KCNT2: variants seen among roughly 807,000 people sequenced by gnomAD.
KCNT2 encodes the protein potassium sodium-activated channel subfamily T member 2.
KCNT2 carries 67 observed loss-of-function variants against 153.8 expected under a neutral mutation model. The ratio of observed to expected loss-of-function variants is 0.44; its 90% CI spans 0.36 to 0.53. The LOEUF is 0.53. KCNT2 is among the 20% of genes least tolerant of loss of function. The pLI is 0.00. For missense variants in KCNT2, 975 were observed against 1,354.8 expected, an observed-to-expected ratio of 0.72 and a Z score of 4.40; for synonymous variants, 500 against 458.8, an observed-to-expected ratio of 1.09 and a Z score of -1.15.
intron 7 of KCNT2, among the ~76,000 whole-genome samples, chr1:196,465,966 G>C (rs188489153): frequency 6.6e-6 from 1 of 151,906 alleles, no homozygotes; most frequent in Non-Finnish European, 1.5e-5. Context: ...CATTTAACCA[G>C]AACTGTTATG....
chr1:196,410,154 C>G (rs4475693), intron 12 of KCNT2, among the ~76,000 whole-genome samples: 1 of 150,522 alleles, frequency 6.6e-6, no homozygotes, highest in Non-Finnish European at 1.5e-5. Context: ...TATTTCCTTT[C>G]GTGTGTGTGT....
At chr1:196,586,749 C>T (rs1335277345) in intron 1 of KCNT2, among the ~76,000 whole-genome samples, 2 of 151,984 alleles carry the variant, frequency 1.3e-5, no homozygotes, top group Non-Finnish European at 2.9e-5. Flanking sequence ...GTAAGTAGTA[C>T]AATTTACAAT....
chr1:196,370,882 G>A (rs1469950583), intron 14 of KCNT2, among the ~76,000 whole-genome samples: 1 of 152,024 alleles, frequency 6.6e-6, no homozygotes, highest in Non-Finnish European at 1.5e-5. Context: ...GGAATAAAGT[G>A]CTGGTGCATA....
At chr1:196,267,741 T>C (rs1657683971) in intron 25 of KCNT2, among the ~76,000 whole-genome samples, 2 of 152,154 alleles carry the variant, frequency 1.3e-5, no homozygotes, top group Non-Finnish European at 2.9e-5. Context: ...CTCAGGACTG[T>C]GCACTCAGTG....
chr1:196,471,635 G>A (rs1678116422), intron 5 of KCNT2, among the ~76,000 whole-genome samples: 2 of 152,072 alleles, frequency 1.3e-5, no homozygotes, highest in Admixed American at 1.3e-4. Flanking sequence ...GATATGAAAG[G>A]CTATTTCTGT....
At chr1:196,472,576 C>T (rs1473143915) in intron 5 of KCNT2, among the ~76,000 whole-genome samples, 1 of 152,170 alleles carries the variant, frequency 6.6e-6, no homozygotes, top group Non-Finnish European at 1.5e-5. Context: ...AGATCAACTG[C>T]TTAATCCACT....
intron 25 of KCNT2, among the ~76,000 whole-genome samples, chr1:196,263,948 ATG>A (rs537716497): frequency 2.0e-5 from 3 of 151,706 alleles, no homozygotes; most frequent in South Asian, 2.1e-4. Flanking sequence ...TTGTGTGTAT[ATG>A]TGTGTGTGTG....
At chr1:196,336,169 A>G (rs1401222131) in intron 16 of KCNT2, among the ~76,000 whole-genome samples, 1 of 152,074 alleles carries the variant, frequency 6.6e-6, no homozygotes, top group Non-Finnish European at 1.5e-5. Flanking sequence ...CACCATACAC[A>G]TAGATGATCC....
At chr1:196,511,260 G>A (rs111481124) in intron 1 of KCNT2, among the ~76,000 whole-genome samples, 8,769 of 152,062 alleles carry the variant, frequency 0.058, 392 homozygotes, top group Non-Finnish European at 0.085. Context: ...TGAAGCTACT[G>A]TTCACCCCGG....
intron 27 of KCNT2, among the ~76,000 whole-genome samples, chr1:196,231,335 GT>G (rs1653935177): frequency 1.3e-5 from 2 of 151,824 alleles, no homozygotes; most frequent in African/African-American, 4.8e-5. Context: ...CTCTATTGTG[GT>G]AGTCTGGAAC....
At chr1:196,273,532 A>G (rs1658269209) in intron 25 of KCNT2, 1 of 1,451,662 alleles carries the variant, frequency 6.9e-7, no homozygotes, top group Admixed American at 2.0e-5. Context: ...AACACAGTTT[A>G]AACAATGACT....
chr1:196,518,085 C>T (rs886921621), intron 1 of KCNT2, among the ~76,000 whole-genome samples: 1 of 152,130 alleles, frequency 6.6e-6, no homozygotes, highest in Non-Finnish European at 1.5e-5. Context: ...ACCCTACTAA[C>T]CAGCAGGCAT....
At chr1:196,239,678 C>T (rs1467850560) in intron 26 of KCNT2, among the ~76,000 whole-genome samples, 1 of 151,878 alleles carries the variant, frequency 6.6e-6, no homozygotes, top group Non-Finnish European at 1.5e-5. Context: ...TTTTGTAAGA[C>T]AGAAATTTAA....
At chr1:196,596,096 A>G (rs1664053135) in intron 1 of KCNT2, among the ~76,000 whole-genome samples, 1 of 129,452 alleles carries the variant, frequency 7.7e-6, no homozygotes, top group African/African-American at 3.1e-5. Context: ...ATATATATAT[A>G]TATATCACAT....
chr1:196,387,355 C>T (rs1029108909), intron 13 of KCNT2, among the ~76,000 whole-genome samples: 1 of 151,918 alleles, frequency 6.6e-6, no homozygotes, highest in Non-Finnish European at 1.5e-5. Flanking sequence ...TCAGGAATCA[C>T]TCATATCTGC....
At chr1:196,418,630 A>T (rs1216628940) in intron 12 of KCNT2, among the ~76,000 whole-genome samples, 2 of 152,038 alleles carry the variant, frequency 1.3e-5, no homozygotes, top group African/African-American at 2.4e-5. Context: ...TGGTTACTTT[A>T]TATGCACACC....
Position 196,607,736 on chromosome 1 carries a change from C to T in KCNT2, c.95+479G>A, listed in dbSNP as rs193137303. ...TAAAATTTCCAGTGCCAAGTAGATA[C>T]CTACTCAAGACAACACAGACAAGGA... On this transcript the variant is annotated intron_variant, in intron 1 of 27. Coordinates refer to ENST00000294725, the MANE Select transcript of KCNT2 (RefSeq NM_198503.5). Among the ~76,000 whole-genome samples the T allele has an allele frequency of 2.0e-3, 298 of 152,236 alleles. 3 individuals are homozygous for T. The highest frequency in any genetic ancestry group is 6.6e-3 in the African/African-American group (276 of 41,530).
chr1:196,453,832 C>A (rs531383856), intron 8 of KCNT2, among the ~76,000 whole-genome samples: 71 of 152,014 alleles, frequency 4.7e-4, no homozygotes, highest in African/African-American at 1.5e-3. Context: ...TGCCCACCCC[C>A]AAATGTAATA....
chr1:196,528,320 G>T (rs544264877), intron 1 of KCNT2, among the ~76,000 whole-genome samples: 1 of 152,262 alleles, frequency 6.6e-6, no homozygotes, highest in East Asian at 1.9e-4. Flanking sequence ...TACACAGATT[G>T]AGAAATGGTC....
Sources: allele counts gnomAD v4.1 joint callset (sites outside exome capture counted in the v4.1 genomes callset), GRCh38; gene constraint gnomAD v4.1.1; transcripts MANE v1.5; gene names NCBI Gene and HGNC (gene_info 2026-07-23, HGNC 2026-07-21).